APBB1IP: variants seen among roughly 807,000 people sequenced by gnomAD.
APBB1IP encodes amyloid beta A4 precursor protein-binding family B member 1-interacting protein.
A neutral mutation model predicts 64.9 loss-of-function variants in APBB1IP; 27 were observed. The ratio of observed to expected loss-of-function variants is 0.42; its 90% confidence interval spans 0.31 to 0.57. The LOEUF (loss-of-function observed/expected upper bound fraction) is 0.57. Among genes scored for constraint, APBB1IP ranks in the 20% least tolerant of loss-of-function variants. The probability of loss-of-function intolerance (pLI) is 0.20; values close to 1 mark genes in which losing one functional copy is unlikely to be tolerated. For synonymous variants in APBB1IP, 392 were observed against 331.0 expected, an observed-to-expected ratio of 1.18 and a Z score of -2.00; for missense variants, 812 against 845.5, an observed-to-expected ratio of 0.96 and a Z score of 0.49.
chr10:26,484,218 C>A (rs1047376225), intron 2 of APBB1IP, among the ~76,000 whole-genome samples: 1 of 152,106 alleles, frequency 6.6e-6, no homozygotes, highest in Non-Finnish European at 1.5e-5. Flanking sequence ...ACTCTGTAAA[C>A]CCAAAACTTG....
rs76702568 is a variant in APBB1IP, at chr10:26,478,893, C to T, written c.1-13434C>T. On this transcript the variant is annotated intron_variant, in intron 2 of 14. Coordinates refer to ENST00000376236, the MANE Select transcript of APBB1IP (RefSeq NM_019043.4). ...TTTAAAAAGAAGGGATTTTTTTCTA[C>T]TTGGGGTGGGAGATGAAGTCTCCCT... is the stretch of plus-strand genomic sequence containing the variant. 1.1e-3 allele frequency among the ~76,000 whole-genome samples: 160 copies of T among 151,930 alleles called. 2 individuals are homozygous for T. Among genetic ancestry groups the T allele is most frequent in the Admixed American group, 7.5e-3 (115 of 15,246 alleles).
chr10:26,510,618 C>T (rs756461666), intron 6 of APBB1IP, among the ~76,000 whole-genome samples: 6 of 151,856 alleles, frequency 4.0e-5, no homozygotes, highest in Non-Finnish European at 7.4e-5. Context: ...CACCTGTGGT[C>T]CCAACCACTC....
intron 10 of APBB1IP, among the ~76,000 whole-genome samples, chr10:26,540,582 A>T (rs61838874): frequency 6.6e-6 from 1 of 152,202 alleles, no homozygotes; most frequent in African/African-American, 2.4e-5. Context: ...ATCCAGAAGA[A>T]AATATCTTGT....
At position 26,523,750 on chromosome 10, in the gene APBB1IP, C is replaced by T. The variant is rs555542711; in HGVS notation, c.814-9689C>T. Among the ~76,000 whole-genome samples, 10 of 152,052 alleles carry T rather than the reference C, an allele frequency of 6.6e-5. No individual in the cohort carries two copies. The East Asian group carries it at 1.2e-3, about 18-fold the overall frequency. ...TTGGGAGGCCAAGGTGGGAGGATCACTTGAGGCTAGGAGTTCAACACCAGC... is the reference window on the plus strand; with the variant it reads ...TTGGGAGGCCAAGGTGGGAGGATCATTTGAGGCTAGGAGTTCAACACCAGC... On this transcript the variant is annotated intron_variant, in intron 8 of 14. Coordinates refer to ENST00000376236, the MANE Select transcript of APBB1IP (RefSeq NM_019043.4).
intron 11 of APBB1IP, among the ~76,000 whole-genome samples, chr10:26,547,367 G>T (rs760464798): frequency 2.6e-5 from 4 of 152,016 alleles, no homozygotes; most frequent in Non-Finnish European, 4.4e-5. Flanking sequence ...TTACTCTGTT[G>T]ATTGTTTTCC....
At chr10:26,498,497 A>G (rs1218704035) in intron 4 of APBB1IP, among the ~76,000 whole-genome samples, 2 of 152,190 alleles carry the variant, frequency 1.3e-5, no homozygotes, top group Admixed American at 1.3e-4. Context: ...TGACAGAGCA[A>G]GACTCTGTCA....
intron 11 of APBB1IP, among the ~76,000 whole-genome samples, chr10:26,553,339 T>C (rs905614061): frequency 3.9e-5 from 6 of 151,982 alleles, no homozygotes; most frequent in Non-Finnish European, 2.9e-5. Flanking sequence ...ATTCTCATAG[T>C]TTAATTCATT....
chr10:26,534,746 AT>A (rs1836599415), intron 9 of APBB1IP, among the ~76,000 whole-genome samples: 1 of 152,164 alleles, frequency 6.6e-6, no homozygotes, highest in Non-Finnish European at 1.5e-5. Context: ...CACAGTGAGC[AT>A]TTCCCAGGGA....
At chr10:26,563,882 G>T (rs924520470) in intron 14 of APBB1IP, among the ~76,000 whole-genome samples, 10 of 151,814 alleles carry the variant, frequency 6.6e-5, no homozygotes, top group African/African-American at 2.4e-4. Context: ...CTCCTCATGC[G>T]ATGTGCTTTC....
intron 13 of APBB1IP, 29 bp from the exon 14 acceptor site, chr10:26,562,297 C>G (rs754199590): frequency 7.2e-5 from 109 of 1,524,174 alleles, no homozygotes; most frequent in Non-Finnish European, 9.7e-5. Flanking sequence ...GCTTTGCTCA[C>G]TCTTCTTTTC....
At chr10:26,560,622 C>T (rs139198103) in intron 12 of APBB1IP, 108 bp from the exon 13 acceptor site, 1 of 709,714 alleles carries the variant, frequency 1.4e-6, no homozygotes, top group Admixed American at 3.1e-5. Context: ...AAGTGGTGAA[C>T]AGAGTAGCCG....
intron 2 of APBB1IP, among the ~76,000 whole-genome samples, chr10:26,483,495 T>C (rs1835859594): frequency 6.6e-6 from 1 of 152,194 alleles, no homozygotes. Context: ...TTTTTATTAT[T>C]ATCAGGCAGG....
intron 4 of APBB1IP, among the ~76,000 whole-genome samples, chr10:26,500,603 C>A (rs1478569894): frequency 1.3e-5 from 2 of 152,176 alleles, no homozygotes; most frequent in East Asian, 3.8e-4. Flanking sequence ...GTGTTAGAAA[C>A]TCAGTCGGAT....
In APBB1IP at chr10:26,476,463, A is replaced by AAG. The variant is rs1554774286; in HGVS notation, c.1-15863_1-15862insGA. Reference sequence around the variant, plus strand: ...CCCTGTCTCAAAAAAAAAAAAAAAAAAAGAAGAAAAGAAAAGAAAGGAAAA... The same window carrying AAG: ...CCCTGTCTCAAAAAAAAAAAAAAAAAAGAAGAAGAAAAGAAAAGAAAGGAAAA... On this transcript the variant is annotated intron_variant, in intron 2 of 14. Coordinates refer to ENST00000376236, the MANE Select transcript of APBB1IP (RefSeq NM_019043.4). 1.4e-3 allele frequency among the ~76,000 whole-genome samples: 210 copies of AAG among 149,344 alleles called. 2 individuals carry two copies. Among genetic ancestry groups the AAG allele is most frequent in the South Asian group, 0.012 (56 of 4,720 alleles).
At chr10:26,526,105 C>G (rs577976487) in intron 8 of APBB1IP, among the ~76,000 whole-genome samples, 5 of 152,298 alleles carry the variant, frequency 3.3e-5, no homozygotes, top group Admixed American at 2.6e-4. Flanking sequence ...TTTGGGATAG[C>G]GTGTCCTAAA....
At chr10:26,481,047 C>T (rs1445767651) in intron 2 of APBB1IP, among the ~76,000 whole-genome samples, 3 of 152,002 alleles carry the variant, frequency 2.0e-5, no homozygotes, top group Non-Finnish European at 2.9e-5. Context: ...GTTCCCCATT[C>T]CTTATATAGA....
chr10:26,541,856 C>T (rs1227484183), intron 11 of APBB1IP, 164 bp downstream of exon 11: 1 of 516,456 alleles, frequency 1.9e-6, no homozygotes. Context: ...GGACATTTTC[C>T]CCAAAGCCTC....
chr10:26,440,671 A>ATACT (rs10627139), intron 2 of APBB1IP, among the ~76,000 whole-genome samples: 58,652 of 151,630 alleles, frequency 0.39, 11,473 homozygotes, highest in South Asian at 0.49. Context: ...CTTAAACACA[A>ATACT]TACTAGGTTT....
intron 2 of APBB1IP, among the ~76,000 whole-genome samples, chr10:26,478,358 C>T (rs181569370): frequency 1.1e-4 from 16 of 152,152 alleles, no homozygotes; most frequent in Non-Finnish European, 2.2e-4. Context: ...AGGATGGAGG[C>T]GGTTGAGAAG....
Sources: gnomAD v4.1 joint callset for allele counts (sites outside exome capture counted in the v4.1 genomes callset) on GRCh38, gnomAD v4.1.1 for gene constraint, MANE v1.5 for transcripts, NCBI Gene and HGNC (gene_info 2026-07-23, HGNC 2026-07-21) for gene names.